EFCAB11: variants seen among roughly 807,000 people sequenced by gnomAD.
EFCAB11 encodes EF-hand calcium binding domain 11, also known as EF-hand calcium-binding domain-containing protein 11.
In EFCAB11, 14 loss-of-function variants were observed where a neutral mutation model predicts 23.0. The observed-to-expected ratio is 0.61, with a 90% CI of 0.40 to 0.95. The LOEUF (loss-of-function observed/expected upper bound fraction) is 0.95, where lower values mean the gene tolerates loss of function less well. Ranked by LOEUF, EFCAB11 falls within the 40% of genes least tolerant of loss-of-function variation. The pLI, the probability that EFCAB11 is intolerant of heterozygous loss-of-function variation, is 0.00. For synonymous variants in EFCAB11, 65 were observed against 66.6 expected, an observed-to-expected ratio of 0.98 and a Z score of 0.11; for missense variants, 198 against 195.8, an observed-to-expected ratio of 1.01 and a Z score of -0.07.
intron 5 of EFCAB11, among the ~76,000 whole-genome samples, chr14:89,812,568 T>C (rs1424582012): frequency 6.6e-6 from 1 of 152,186 alleles, no homozygotes; most frequent in Non-Finnish European, 1.5e-5. Flanking sequence ...CGGAAAGGTG[T>C]GTCCCTGGAG....
intron 5 of EFCAB11, among the ~76,000 whole-genome samples, chr14:89,899,262 AC>A (rs1305804677): frequency 1.3e-5 from 2 of 152,232 alleles, no homozygotes; most frequent in African/African-American, 4.8e-5. Flanking sequence ...ATGTAAAATA[AC>A]TTGAAACATA....
intron 5 of EFCAB11, among the ~76,000 whole-genome samples, chr14:89,879,166 C>A (rs901645327): frequency 6.6e-6 from 1 of 152,002 alleles, no homozygotes; most frequent in Admixed American, 6.6e-5. Flanking sequence ...CTCTGGTGGA[C>A]AAACTCTTAC....
rs186112403 is a variant in EFCAB11, at chr14:89,882,100, A to G, written c.410+49441T>C. ...TTCAAACACCTTTTTTCTACTTTAC[A>G]AAAGAAAGGCACATTTCTTACCTAA... On this transcript the variant is annotated intron_variant, in intron 5 of 5. Transcript: ENST00000316738. Among the ~76,000 whole-genome samples the G allele has an allele frequency of 4.1e-3, 630 of 152,336 alleles. 3 individuals are homozygous for G. Among genetic ancestry groups the G allele is most frequent in the Non-Finnish European group, 6.4e-3 (436 of 68,038 alleles).
At chr14:89,951,211 C>T (rs1385763089) in intron 2 of EFCAB11, among the ~76,000 whole-genome samples, 1 of 152,224 alleles carries the variant, frequency 6.6e-6, no homozygotes, top group Non-Finnish European at 1.5e-5. Context: ...TCGAAACTCA[C>T]TGACTTCCTC....
At chr14:89,919,145 G>A (rs750073921) in intron 5 of EFCAB11, among the ~76,000 whole-genome samples, 3 of 151,944 alleles carry the variant, frequency 2.0e-5, no homozygotes, top group Non-Finnish European at 4.4e-5. Context: ...CCAGGAAGGT[G>A]GATAGCAGAG....
intron 5 of EFCAB11, among the ~76,000 whole-genome samples, chr14:89,917,459 A>C (rs1364654846): frequency 3.3e-5 from 5 of 152,170 alleles, no homozygotes; most frequent in African/African-American, 1.2e-4. Context: ...TCTGCTGTAC[A>C]CACATACCAC....
At chr14:89,822,634 A>G (rs1886563020) in intron 5 of EFCAB11, among the ~76,000 whole-genome samples, 1 of 152,190 alleles carries the variant, frequency 6.6e-6, no homozygotes, top group Non-Finnish European at 1.5e-5. Context: ...TATTGTATGG[A>G]CACACAGAGT....
intron 5 of EFCAB11, among the ~76,000 whole-genome samples, chr14:89,921,133 T>A (rs1466571570): frequency 6.6e-6 from 1 of 150,644 alleles, no homozygotes; most frequent in South Asian, 2.1e-4. Flanking sequence ...AAGGAATGGA[T>A]ACCATTCAGA....
At chr14:89,840,100 C>G (rs1887210037) in intron 5 of EFCAB11, among the ~76,000 whole-genome samples, 1 of 152,112 alleles carries the variant, frequency 6.6e-6, no homozygotes, top group Admixed American at 6.6e-5. Context: ...TTAAAAGTGC[C>G]CTTGTACTAT....
intron 5 of EFCAB11, among the ~76,000 whole-genome samples, chr14:89,876,193 C>G (rs1460914805): frequency 6.6e-6 from 1 of 152,044 alleles, no homozygotes; most frequent in Non-Finnish European, 1.5e-5. Context: ...TGAGTTAGAG[C>G]TAGAGAGAAG....
chr14:89,806,931 T>C (rs1885989291), intron 5 of EFCAB11, among the ~76,000 whole-genome samples: 1 of 152,154 alleles, frequency 6.6e-6, no homozygotes, highest in African/African-American at 2.4e-5. Context: ...AAAAAGTAGT[T>C]TGAACCTTTG....
At chr14:89,945,548 T>C (rs1275115162) in intron 3 of EFCAB11, among the ~76,000 whole-genome samples, 1 of 152,220 alleles carries the variant, frequency 6.6e-6, no homozygotes, top group African/African-American at 2.4e-5. Context: ...TATTTGCAAC[T>C]TTTCCAGACA....
At chr14:89,810,824 C>T (rs1421900611) in intron 5 of EFCAB11, among the ~76,000 whole-genome samples, 1 of 151,916 alleles carries the variant, frequency 6.6e-6, no homozygotes, top group Non-Finnish European at 1.5e-5. Flanking sequence ...CACTAAGAGC[C>T]CACTATGGTC....
chr14:89,809,172 G>A (rs772817686), intron 5 of EFCAB11, among the ~76,000 whole-genome samples: 13 of 152,294 alleles, frequency 8.5e-5, no homozygotes, highest in East Asian at 1.9e-4. Context: ...ACAGGTGACC[G>A]TTGTGCTGAA....
In EFCAB11 at chr14:89,810,838, G is replaced by A. The variant is rs550559932; in HGVS notation, c.411-13514C>T. Among the ~76,000 whole-genome samples, 14 of 151,842 alleles carry A rather than the reference G, an allele frequency of 9.2e-5. 2 individuals are homozygous for A. The South Asian group carries it at 2.9e-3, about 32-fold the overall frequency. On this transcript the variant is annotated intron_variant, in intron 5 of 5. Coordinates refer to ENST00000316738, the MANE Select transcript of EFCAB11 (RefSeq NM_145231.4). ...ACACTAAGAGCCCACTATGGTCCAC[G>A]CACAGTAGGTTCTGAAGATAAATGG...
intron 5 of EFCAB11, among the ~76,000 whole-genome samples, chr14:89,893,979 A>G (rs1284060047): frequency 2.7e-5 from 4 of 150,256 alleles, no homozygotes; most frequent in African/African-American, 7.3e-5. Context: ...CCAATTCTTG[A>G]TTTTTTTTTT....
intron 5 of EFCAB11, among the ~76,000 whole-genome samples, chr14:89,803,312 G>A (rs1230031355): frequency 2.0e-5 from 3 of 152,192 alleles, no homozygotes; most frequent in African/African-American, 7.2e-5. Context: ...GCAGATGATT[G>A]TCCCAACACT....
At chr14:89,954,239 A>C (rs956435941) in intron 1 of EFCAB11, 2 of 1,208,270 alleles carry the variant, frequency 1.7e-6, no homozygotes, top group African/African-American at 3.0e-5. Context: ...AGGTGACGCA[A>C]ATTAATTCAT....
intron 5 of EFCAB11, among the ~76,000 whole-genome samples, chr14:89,816,260 A>G (rs527887347): frequency 4.4e-4 from 67 of 152,140 alleles, no homozygotes; most frequent in Non-Finnish European, 9.0e-4. Context: ...TACTTAATTC[A>G]TTTATCAGTT....
Sources: allele counts gnomAD v4.1 joint callset (sites outside exome capture counted in the v4.1 genomes callset), GRCh38; gene constraint gnomAD v4.1.1; transcripts MANE v1.5; gene names NCBI Gene and HGNC (gene_info 2026-07-23, HGNC 2026-07-21).